The following NUP85 variants were observed in gnomAD, a reference collection of about 807,000 sequenced individuals.
NUP85 encodes nuclear pore complex protein Nup85.
Under a neutral mutation model 92.8 loss-of-function variants are expected in NUP85, and 23 were observed. That is an observed-to-expected ratio of 0.25 (90% CI 0.18 to 0.35). NUP85 has a LOEUF of 0.35. Ranked by LOEUF, NUP85 falls within the 10% of genes least tolerant of loss-of-function variation. The pLI, the probability that NUP85 is intolerant of heterozygous loss-of-function variation, is 1.00. For synonymous variants in NUP85, 314 were observed against 306.9 expected (o/e 1.02, Z -0.24); for missense variants, 759 against 822.8 (o/e 0.92, Z 0.95).
intron 11 of NUP85, among the ~76,000 whole-genome samples, chr17:75,230,720 C>T (rs2076020521): frequency 6.6e-6 from 1 of 152,150 alleles, no homozygotes; most frequent in East Asian, 1.9e-4. Context: ...TGTCACCTCA[C>T]ATAGTGACCC....
intron 7 of NUP85, among the ~76,000 whole-genome samples, chr17:75,219,912 C>A (rs764724850): frequency 6.6e-6 from 1 of 151,592 alleles, no homozygotes; most frequent in Non-Finnish European, 1.5e-5. Context: ...CAGGGTGGGG[C>A]AGGAGGGGCT....
At chr17:75,219,601 C>T (rs2075538896) in intron 7 of NUP85, among the ~76,000 whole-genome samples, 2 of 152,182 alleles carry the variant, frequency 1.3e-5, no homozygotes, top group African/African-American at 2.4e-5. Flanking sequence ...TGAGTCCCTA[C>T]TATTTGCAAG....
In NUP85 at chr17:75,222,062, T is replaced by C. The variant is rs575270435; in HGVS notation, c.598-3041T>C. ...TTTGTTTTGTTTGTTTGTTTGTTTG[T>C]TTTGAGACAAAGTCTCTGTTGCCCA... On this transcript the variant is annotated intron_variant, in intron 7 of 18. Transcript: ENST00000245544. Among the ~76,000 whole-genome samples the C allele has an allele frequency of 2.9e-4, 40 of 136,944 alleles. 1 individual carries two copies. In the South Asian group the frequency reaches 9.4e-3, roughly 32 times the overall value. 89.8% of individuals were successfully genotyped at this position (136,944 alleles called of 152,430 possible).
chr17:75,228,825 C>T, intron 11 of NUP85: 1 of 985,404 alleles, frequency 1.0e-6, no homozygotes, highest in Non-Finnish European at 1.2e-6. Context: ...CCCTAAGGGG[C>T]AGAAAAGGCA....
intron 1 of NUP85, 118 bp from the exon 2 acceptor site, chr17:75,208,409 T>TAC (rs2075153696): frequency 1.4e-6 from 1 of 704,066 alleles, no homozygotes; most frequent in Admixed American, 2.4e-5. Flanking sequence ...TACACCACTG[T>TAC]ACACCAGCCT....
intron 4 of NUP85, 73 bp downstream of exon 4, chr17:75,212,135 A>G: frequency 9.6e-7 from 1 of 1,040,250 alleles, no homozygotes; most frequent in Non-Finnish European, 1.4e-6. Flanking sequence ...TTATCTATGC[A>G]TAAATACTGT....
At chr17:75,212,931 A>T in intron 4 of NUP85, 145 bp from the exon 5 acceptor site, 2 of 822,686 alleles carry the variant, frequency 2.4e-6, no homozygotes, top group East Asian at 2.7e-5. Flanking sequence ...CAACAAAAAA[A>T]TCCATAATTA....
At chr17:75,228,333 C>T (rs2075904260) in intron 11 of NUP85, 14 of 985,312 alleles carry the variant, frequency 1.4e-5, no homozygotes, top group Non-Finnish European at 1.7e-5. Flanking sequence ...GCTTGCAGTC[C>T]CCCAGTCTCA....
intron 18 of NUP85, 81 bp from the exon 19 acceptor site, chr17:75,235,497 C>T: frequency 1.0e-6 from 1 of 978,778 alleles, no homozygotes; most frequent in Non-Finnish European, 1.6e-6. Context: ...TGCCCTCTAC[C>T]TTTGGATTAG....
intron 7 of NUP85, among the ~76,000 whole-genome samples, chr17:75,218,596 T>TTTG (rs2075503555): frequency 7.2e-6 from 1 of 139,482 alleles, no homozygotes; most frequent in Middle Eastern, 3.2e-3. Context: ...CCGTTTTTTT[T>TTTG]TTTTTTTTTT....
At chr17:75,206,067 C>G (rs1009181582) in intron 1 of NUP85, among the ~76,000 whole-genome samples, 4 of 152,064 alleles carry the variant, frequency 2.6e-5, no homozygotes, top group Admixed American at 6.6e-5. Flanking sequence ...TTTTACTTCC[C>G]TTGCTTTTCC....
intron 3 of NUP85, among the ~76,000 whole-genome samples, chr17:75,210,350 A>T (rs1336006048): frequency 6.6e-6 from 1 of 152,222 alleles, no homozygotes; most frequent in African/African-American, 2.4e-5. Flanking sequence ...TATGGTTCAG[A>T]CGTTATTTGA....
At chr17:75,228,664 G>C (rs1598329112) in intron 11 of NUP85, 1 of 985,458 alleles carries the variant, frequency 1.0e-6, no homozygotes, top group African/African-American at 1.7e-5. Flanking sequence ...ACTTGAGCCA[G>C]TGAGCTGTTG....
intron 7 of NUP85, among the ~76,000 whole-genome samples, chr17:75,221,780 C>T (rs1225323570): frequency 1.3e-5 from 2 of 152,062 alleles, no homozygotes; most frequent in Admixed American, 1.3e-4. Flanking sequence ...ACTTAGGTTC[C>T]CAAAGGCTGT....
chr17:75,218,335 CCAT>C (rs1463260719), intron 7 of NUP85, 29 bp downstream of exon 7: 3 of 1,611,024 alleles, frequency 1.9e-6, no homozygotes, highest in Non-Finnish European at 2.5e-6. Context: ...CCACCTCCCA[CCAT>C]GTGTCCTACT....
At chr17:75,234,150 C>T (rs1426598544) in intron 16 of NUP85, among the ~76,000 whole-genome samples, 8 of 151,098 alleles carry the variant, frequency 5.3e-5, no homozygotes, top group Non-Finnish European at 8.8e-5. Flanking sequence ...CTCCCGGGTT[C>T]AAGCCATTCT....
chr17:75,235,563 C>T lies in NUP85; in HGVS notation c.1870-15C>T. 2 of 1,599,108 alleles carry T rather than the reference C, an allele frequency of 1.3e-6. No homozygotes were observed. The highest frequency in any genetic ancestry group is 1.7e-6 in the Non-Finnish European group (2 of 1,166,490). Reference sequence around the variant, plus strand: ...TTCCTGCTCTTAGCTCATGCTGGCGCTCTCTGCTTTGCAGGATGATGACAT... The same window carrying T: ...TTCCTGCTCTTAGCTCATGCTGGCGTTCTCTGCTTTGCAGGATGATGACAT... On this transcript the variant is annotated splice_polypyrimidine_tract_variant and intron_variant, in intron 18 of 18. Transcript: ENST00000245544.
intron 5 of NUP85, among the ~76,000 whole-genome samples, chr17:75,214,079 C>G (rs778233731): frequency 6.8e-5 from 10 of 146,504 alleles, no homozygotes; most frequent in Admixed American, 5.4e-4. Flanking sequence ...CTCCTGACCT[C>G]GTGATCTGCC....
At chr17:75,224,976 A>C in intron 7 of NUP85, 127 bp from the exon 8 acceptor site, 1 of 881,536 alleles carries the variant, frequency 1.1e-6, no homozygotes, top group South Asian at 1.9e-5. Flanking sequence ...GGGCAGACTC[A>C]GGTGCAGAAA....
Sources: gnomAD v4.1 joint callset for allele counts (sites outside exome capture counted in the v4.1 genomes callset) on GRCh38, gnomAD v4.1.1 for gene constraint, MANE v1.5 for transcripts, NCBI Gene and HGNC (gene_info 2026-07-23, HGNC 2026-07-21) for gene names.